Variants in AGPAT5 observed in about 807,000 individuals in gnomAD.
The protein encoded by AGPAT5 is 1-acyl-sn-glycerol-3-phosphate acyltransferase epsilon.
Under a neutral mutation model 45.6 loss-of-function variants are expected in AGPAT5, and 46 were observed. That is an observed-to-expected ratio of 1.01 (90% CI 0.80 to 1.29). The LOEUF (loss-of-function observed/expected upper bound fraction) is 1.29, where lower values mean the gene tolerates loss of function less well. Among genes scored for constraint, AGPAT5 ranks in the 50% most tolerant of loss-of-function variants. The pLI is 0.00. For missense variants in AGPAT5, 673 were observed against 450.7 expected (o/e 1.49, Z -4.47); for synonymous variants, 272 against 167.0 (o/e 1.63, Z -4.85).
chr8:6,713,635 A>C (rs575523396), intron 1 of AGPAT5, among the ~76,000 whole-genome samples: 2 of 152,162 alleles, frequency 1.3e-5, no homozygotes, highest in African/African-American at 4.8e-5. Context: ...ACTCACTGCA[A>C]CCTCTGCCCC....
At chr8:6,738,317 G>A (rs926883218) in intron 4 of AGPAT5, 1 of 152,112 alleles carries the variant, frequency 6.6e-6, no homozygotes, top group African/African-American at 2.4e-5. Context: ...TGTGTCTCAG[G>A]GAATAGGGAA....
Position 6,755,174 on chromosome 8 carries a change from A to G in AGPAT5, c.869A>G (p.Lys290Arg). Reference protein sequence around the residue: ...WLHERFEIKDKMLIEFYESPD... With the variant: ...WLHERFEIKDRMLIEFYESPD... ...CATGAACGTTTCGAAATCAAAGATA[A>G]GTGAGTAACAACAGTTCCAGCACTT... The change falls in exon 7 of 8, where the codon AAG (lysine) becomes AGG (arginine). Residue 290 changes from lysine to arginine, a missense_variant and splice_region_variant. By Grantham distance (26) the Lys-to-Arg change is conservative. Transcript: ENST00000285518. 6.3e-7 allele frequency: 1 copy of G among 1,597,306 alleles called. No homozygotes were observed. Among genetic ancestry groups the G allele is most frequent in the South Asian group, 1.2e-5 (1 of 86,122 alleles).
At chr8:6,738,797 A>T (rs1288168664) in intron 4 of AGPAT5, among the ~76,000 whole-genome samples, 1 of 152,044 alleles carries the variant, frequency 6.6e-6, no homozygotes, top group Non-Finnish European at 1.5e-5. Flanking sequence ...ATACATTTAT[A>T]TGTATCTTTT....
At chr8:6,753,169 G>T (rs1801712845) in intron 6 of AGPAT5, among the ~76,000 whole-genome samples, 1 of 152,224 alleles carries the variant, frequency 6.6e-6, no homozygotes, top group Admixed American at 6.5e-5. Flanking sequence ...ATTTCGGAGT[G>T]CTTTTGTCTC....
chr8:6,720,424 G>A (rs1800461534), intron 1 of AGPAT5, among the ~76,000 whole-genome samples: 1 of 152,162 alleles, frequency 6.6e-6, no homozygotes, highest in South Asian at 2.1e-4. Context: ...TGCTTGTCAA[G>A]GGGCGTTACC....
intron 1 of AGPAT5, chr8:6,709,259 G>A: frequency 3.7e-6 from 1 of 268,256 alleles, no homozygotes; most frequent in Non-Finnish European, 7.3e-6. Flanking sequence ...GATCGGAGAC[G>A]TCTACACTCC....
At chr8:6,711,276 T>G (rs1043502516) in intron 1 of AGPAT5, among the ~76,000 whole-genome samples, 1 of 152,244 alleles carries the variant, frequency 6.6e-6, no homozygotes, top group Non-Finnish European at 1.5e-5. Flanking sequence ...CAAATTTAGT[T>G]GGATTTTTCT....
intron 6 of AGPAT5, among the ~76,000 whole-genome samples, chr8:6,748,240 G>A (rs1346436548): frequency 6.6e-6 from 1 of 152,172 alleles, no homozygotes; most frequent in Non-Finnish European, 1.5e-5. Flanking sequence ...AAGAAGAAAT[G>A]CAGTTAAGTG....
intron 5 of AGPAT5, among the ~76,000 whole-genome samples, chr8:6,747,026 T>C (rs1011699870): frequency 6.6e-6 from 1 of 152,244 alleles, no homozygotes; most frequent in Non-Finnish European, 1.5e-5. Flanking sequence ...AATCGTATGT[T>C]CATACAAAAG....
At chr8:6,734,337 C>T (rs953214319) in intron 4 of AGPAT5, among the ~76,000 whole-genome samples, 7 of 151,652 alleles carry the variant, frequency 4.6e-5, no homozygotes, top group Non-Finnish European at 7.4e-5. Flanking sequence ...TGTTGACCCA[C>T]CTTTGAGTTC....
intron 1 of AGPAT5, among the ~76,000 whole-genome samples, chr8:6,715,023 G>A (rs1438514373): frequency 6.6e-6 from 1 of 152,142 alleles, no homozygotes; most frequent in Non-Finnish European, 1.5e-5. Flanking sequence ...TGACTTTTCA[G>A]TAAGGGATCT....
rs1473969418 is a variant in AGPAT5 at position 6,760,337 on chromosome 8, G to A, written c.*2949G>A. On this transcript the variant is annotated 3_prime_UTR_variant, in exon 8 of 8. Coordinates refer to ENST00000285518, the MANE Select transcript of AGPAT5 (RefSeq NM_018361.5). ...CGCTTCAGCCCAGGAGGTTGAGATT[G>A]CAGTGAGCCATGGACATACCACTGC... 6.6e-6 allele frequency among the ~76,000 whole-genome samples: 1 copy of A among 152,134 alleles called. No individual in the cohort carries two copies.
chr8:6,746,863 T>C (rs1458104691), intron 5 of AGPAT5, among the ~76,000 whole-genome samples: 3 of 152,210 alleles, frequency 2.0e-5, no homozygotes, highest in Non-Finnish European at 1.5e-5. Flanking sequence ...GTAAATATTT[T>C]AATCAAGGAA....
intron 1 of AGPAT5, among the ~76,000 whole-genome samples, chr8:6,713,530 A>G (rs1800222654): frequency 6.6e-6 from 1 of 152,188 alleles, no homozygotes; most frequent in Non-Finnish European, 1.5e-5. Flanking sequence ...ACATTTCTCT[A>G]ATATGCCCTT....
intron 1 of AGPAT5, among the ~76,000 whole-genome samples, chr8:6,720,785 C>T (rs1800472827): frequency 6.6e-6 from 1 of 152,022 alleles, no homozygotes; most frequent in Non-Finnish European, 1.5e-5. Context: ...AAGGAAAAAC[C>T]CCTTGTTGTT....
At chr8:6,739,006 A>G (rs1055107466) in intron 4 of AGPAT5, among the ~76,000 whole-genome samples, 9 of 152,096 alleles carry the variant, frequency 5.9e-5, no homozygotes, top group South Asian at 4.2e-4. Flanking sequence ...ATGGTGTAAG[A>G]TCGAAGTTCA....
At position 6,754,616 on chromosome 8, in the gene AGPAT5, C is replaced by G. The variant is rs372453108; in HGVS notation, c.746-435C>G. Among the ~76,000 whole-genome samples the G allele has an allele frequency of 1.8e-3, 274 of 152,208 alleles. 9 individuals carry two copies. In the South Asian group the frequency reaches 0.053, roughly 29 times the overall value. ...TCTCGGCCCCTGTGGAGCTCGCAGTCTGGTGGGGAGGCAGCAGTCACCATG... is the reference window on the plus strand; with the variant it reads ...TCTCGGCCCCTGTGGAGCTCGCAGTGTGGTGGGGAGGCAGCAGTCACCATG... On this transcript the variant is annotated intron_variant, in intron 6 of 7. Transcript: ENST00000285518.
rs1800024176 is a variant in AGPAT5 at position 6,708,751 on chromosome 8, A to G, written c.83A>G (p.Tyr28Cys). 3 of 1,608,160 alleles carry G rather than the reference A, an allele frequency of 1.9e-6. No homozygotes were observed. The highest frequency in any genetic ancestry group is 1.1e-5 in the South Asian group (1 of 90,908). ...GTGCTCCTGGGCACGGCGCCCACCT[A>G]CGTGTTGGCCTGGGGGGTCTGGCGG... is the stretch of plus-strand genomic sequence containing the variant. ...SVVLLGTAPT[Y>C]VLAWGVWRLL... Residue 28 changes from tyrosine to cysteine, a missense_variant, in exon 1 of 8, where the codon TAC becomes TGC. Coordinates refer to ENST00000285518, the MANE Select transcript of AGPAT5 (RefSeq NM_018361.5).
At chr8:6,731,950 A>C (rs761281110) in intron 3 of AGPAT5, among the ~76,000 whole-genome samples, 1 of 152,148 alleles carries the variant, frequency 6.6e-6, no homozygotes, top group Non-Finnish European at 1.5e-5. Flanking sequence ...TCTTAGAAGG[A>C]CTAGTTACAC....
Sources: allele counts gnomAD v4.1 joint callset (sites outside exome capture counted in the v4.1 genomes callset), GRCh38; gene constraint gnomAD v4.1.1; transcripts MANE v1.5; gene names NCBI Gene and HGNC (gene_info 2026-07-23, HGNC 2026-07-21).